Variants in NTNG1 observed in about 807,000 individuals in gnomAD.
The protein encoded by NTNG1 is netrin G1.
A neutral mutation model predicts 54.0 loss-of-function variants in NTNG1; 16 were observed. The observed-to-expected ratio is 0.30, with a 90% CI of 0.20 to 0.45. The LOEUF is 0.45. NTNG1 is among the 20% of genes least tolerant of loss of function. The probability of loss-of-function intolerance (pLI) is 1.00; values close to 1 mark genes in which losing one functional copy is unlikely to be tolerated. For synonymous variants in NTNG1, 255 were observed against 263.1 expected (o/e 0.97, Z 0.30); for missense variants, 530 against 678.7 (o/e 0.78, Z 2.43).
intron 7 of NTNG1, among the ~76,000 whole-genome samples, chr1:107,438,999 G>A (rs1675786707): frequency 6.6e-6 from 1 of 152,156 alleles, no homozygotes; most frequent in Admixed American, 6.6e-5. Context: ...CTTAGGCACT[G>A]GGCTAATGGT....
At chr1:107,433,506 G>A (rs545233703) in intron 6 of NTNG1, among the ~76,000 whole-genome samples, 1 of 152,068 alleles carries the variant, frequency 6.6e-6, no homozygotes, top group Admixed American at 6.6e-5. Flanking sequence ...AGAGAATAGC[G>A]CCACTGCACT....
At chr1:107,225,249 G>T (rs1660596980) in intron 2 of NTNG1, among the ~76,000 whole-genome samples, 1 of 152,094 alleles carries the variant, frequency 6.6e-6, no homozygotes, top group African/African-American at 2.4e-5. Flanking sequence ...TTTTGGATAG[G>T]TGCTCTCTGG....
At chr1:107,376,412 C>CA (rs11448812) in intron 3 of NTNG1, among the ~76,000 whole-genome samples, 143,865 of 148,938 alleles carry the variant, frequency 0.97, 69,609 homozygotes, top group Non-Finnish European at 1. Context: ...CGTCTCAAAA[C>CA]AAAACAAAAA....
chr1:107,344,859 T>A (rs1241222126), intron 3 of NTNG1, among the ~76,000 whole-genome samples: 1 of 152,178 alleles, frequency 6.6e-6, no homozygotes, highest in Non-Finnish European at 1.5e-5. Flanking sequence ...TAAGGTTAAT[T>A]TTTTAAACCT....
At chr1:107,368,824 T>A (rs1670744769) in intron 3 of NTNG1, among the ~76,000 whole-genome samples, 1 of 152,194 alleles carries the variant, frequency 6.6e-6, no homozygotes, top group African/African-American at 2.4e-5. Flanking sequence ...TTGTAAACAG[T>A]TTTATTGAAA....
intron 4 of NTNG1, among the ~76,000 whole-genome samples, chr1:107,399,866 C>A (rs1375434643): frequency 6.6e-6 from 1 of 152,096 alleles, no homozygotes; most frequent in African/African-American, 2.4e-5. Flanking sequence ...CCTATTTGAA[C>A]AAGTCAGTTT....
chr1:107,267,921 A>T (rs1663859835), intron 2 of NTNG1, among the ~76,000 whole-genome samples: 1 of 152,180 alleles, frequency 6.6e-6, no homozygotes, highest in African/African-American at 2.4e-5. Flanking sequence ...CACACCAGAC[A>T]GTCTTCTTGC....
At chr1:107,247,101 C>T (rs964663361) in intron 2 of NTNG1, among the ~76,000 whole-genome samples, 3 of 152,080 alleles carry the variant, frequency 2.0e-5, no homozygotes, top group Admixed American at 6.6e-5. Context: ...TGGAAGAAGC[C>T]GAAAGGGTAA....
At chr1:107,377,532 A>G (rs1361128188) in intron 3 of NTNG1, among the ~76,000 whole-genome samples, 9 of 152,222 alleles carry the variant, frequency 5.9e-5, no homozygotes, top group Admixed American at 5.9e-4. Flanking sequence ...CGAATCCACC[A>G]TAACTTCACC....
intron 7 of NTNG1, among the ~76,000 whole-genome samples, chr1:107,447,077 G>A (rs1022164376): frequency 2.0e-5 from 3 of 150,530 alleles, no homozygotes; most frequent in Admixed American, 1.3e-4. Flanking sequence ...ACATATTACA[G>A]ATATTTTTTT....
At chr1:107,386,033 G>C (rs1671947382) in intron 3 of NTNG1, among the ~76,000 whole-genome samples, 1 of 141,314 alleles carries the variant, frequency 7.1e-6, no homozygotes, top group Non-Finnish European at 1.5e-5. Context: ...CTATAGACTT[G>C]CCTATTCTGG....
chr1:107,326,412 A>G (rs1017919892), intron 3 of NTNG1, among the ~76,000 whole-genome samples: 1 of 152,166 alleles, frequency 6.6e-6, no homozygotes, highest in Admixed American at 6.5e-5. Flanking sequence ...TGTCTTAAAC[A>G]TAAGTTTGCT....
chr1:107,253,231 A>G (rs1296107501), intron 2 of NTNG1, among the ~76,000 whole-genome samples: 1 of 152,130 alleles, frequency 6.6e-6, no homozygotes. Context: ...GCCACTGTAC[A>G]TTACATTCCT....
At chr1:107,395,519 T>C (rs373048802) in intron 4 of NTNG1, 193 bp downstream of exon 4, 2 of 749,436 alleles carry the variant, frequency 2.7e-6, no homozygotes, top group African/African-American at 3.4e-5. Context: ...TAAAATTCAG[T>C]CATCTAACAT....
At chr1:107,183,475 A>C (rs1375658223) in intron 2 of NTNG1, among the ~76,000 whole-genome samples, 3 of 152,192 alleles carry the variant, frequency 2.0e-5, no homozygotes, top group African/African-American at 7.2e-5. Context: ...ATTATCAAGT[A>C]ATAAAGTTGT....
intron 7 of NTNG1, chr1:107,460,384 C>T (rs766776207): frequency 1.9e-6 from 1 of 518,836 alleles, no homozygotes; most frequent in Non-Finnish European, 3.8e-6. Flanking sequence ...TCTGAGCCCT[C>T]ACAGATAATA....
chr1:107,278,985 G>T (rs367563926), intron 2 of NTNG1, among the ~76,000 whole-genome samples: 63 of 152,174 alleles, frequency 4.1e-4, no homozygotes, highest in East Asian at 2.9e-3. Context: ...CATAACCAGG[G>T]TTTCATGTTT....
chr1:107,217,012 A>G (rs561647200), intron 2 of NTNG1, among the ~76,000 whole-genome samples: 5 of 152,276 alleles, frequency 3.3e-5, no homozygotes, highest in South Asian at 2.1e-4. Context: ...AATAGTGCCA[A>G]TAGGATTGGT....
chr1:107,309,967 C>T (rs915464250), intron 2 of NTNG1, among the ~76,000 whole-genome samples: 1 of 152,098 alleles, frequency 6.6e-6, no homozygotes, highest in Non-Finnish European at 1.5e-5. Context: ...CATTTTGGAC[C>T]TTAGTTTATT....
Sources: allele counts gnomAD v4.1 joint callset (sites outside exome capture counted in the v4.1 genomes callset), GRCh38; gene constraint gnomAD v4.1.1; transcripts MANE v1.5; gene names NCBI Gene and HGNC (gene_info 2026-07-23, HGNC 2026-07-21).